Variants in CTNNBL1 observed in about 807,000 individuals in gnomAD.
CTNNBL1 encodes the protein beta-catenin-like protein 1.
CTNNBL1 carries 31 observed loss-of-function variants against 72.7 expected under a neutral mutation model. The ratio of observed to expected loss-of-function variants is 0.43; its 90% CI spans 0.32 to 0.58. CTNNBL1 has a LOEUF of 0.58. Among genes scored for constraint, CTNNBL1 ranks in the 20% least tolerant of loss-of-function variants. The probability of loss-of-function intolerance (pLI) is 0.08; values close to 1 mark genes in which losing one functional copy is unlikely to be tolerated. For synonymous variants in CTNNBL1, 240 were observed against 267.3 expected, an observed-to-expected ratio of 0.90 and a Z score of 1.00; for missense variants, 534 against 725.1, an observed-to-expected ratio of 0.74 and a Z score of 3.03.
At chr20:37,823,559 A>C (rs2072130237) in intron 11 of CTNNBL1, among the ~76,000 whole-genome samples, 1 of 152,184 alleles carries the variant, frequency 6.6e-6, no homozygotes, top group Non-Finnish European at 1.5e-5. Context: ...GGCTGTTTGA[A>C]GAGCAGAAAG....
chr20:37,754,991 A>G (rs2073351416), intron 4 of CTNNBL1, among the ~76,000 whole-genome samples: 1 of 151,980 alleles, frequency 6.6e-6, no homozygotes, highest in Non-Finnish European at 1.5e-5. Context: ...TATTTTTAGT[A>G]GAGACAGGTT....
intron 13 of CTNNBL1, among the ~76,000 whole-genome samples, chr20:37,848,125 C>T (rs2072362471): frequency 6.6e-6 from 1 of 150,776 alleles, no homozygotes; most frequent in South Asian, 2.1e-4. Flanking sequence ...GAGTTCCTCC[C>T]AGCTCCCTTC....
chr20:37,798,848 C>G (rs1201999497), intron 10 of CTNNBL1, among the ~76,000 whole-genome samples: 1 of 152,120 alleles, frequency 6.6e-6, no homozygotes, highest in East Asian at 1.9e-4. Flanking sequence ...TTTCAAGAGG[C>G]CTTTTCCTGA....
Position 37,803,898 on chromosome 20 carries a change from G to A in CTNNBL1, c.1213+850G>A, listed in dbSNP as rs1427776340. Among the ~76,000 whole-genome samples the A allele has an allele frequency of 2.0e-5, 3 of 152,012 alleles. No individual in the cohort carries two copies. The South Asian group carries it at 6.2e-4, about 32-fold the overall frequency. On this transcript the variant is annotated intron_variant, in intron 11 of 15. Transcript: ENST00000361383. ...TCAGTGCTTGGTGGAATTGGCATGG[G>A]TATCTGCAGGATCTTTTGCATTCCT...
intron 5 of CTNNBL1, among the ~76,000 whole-genome samples, chr20:37,759,094 A>G (rs768698622): frequency 1.3e-5 from 2 of 152,226 alleles, no homozygotes; most frequent in Non-Finnish European, 2.9e-5. Context: ...GACCGAATAT[A>G]ATGAAAATTT....
intron 10 of CTNNBL1, among the ~76,000 whole-genome samples, chr20:37,785,609 A>G (rs146868642): frequency 6.6e-6 from 1 of 152,262 alleles, no homozygotes; most frequent in East Asian, 1.9e-4. Context: ...AACTATTTCA[A>G]TATCCGTAAA....
chr20:37,858,360 A>C (rs373189463), intron 13 of CTNNBL1, among the ~76,000 whole-genome samples: 142 of 152,376 alleles, frequency 9.3e-4, no homozygotes, highest in African/African-American at 3.3e-3. Flanking sequence ...AGTCAGTATG[A>C]AGATGATGGG....
At chr20:37,803,393 C>A (rs1230383830) in intron 11 of CTNNBL1, among the ~76,000 whole-genome samples, 1 of 152,178 alleles carries the variant, frequency 6.6e-6, no homozygotes, top group African/African-American at 2.4e-5. Context: ...ACACATGTCA[C>A]CTCCAGAGTG....
chr20:37,848,164 T>G (rs1352040873), intron 13 of CTNNBL1, among the ~76,000 whole-genome samples: 1 of 150,020 alleles, frequency 6.7e-6, no homozygotes, highest in Non-Finnish European at 1.5e-5. Context: ...TTTTTTTTTT[T>G]TTTGAGACAG....
intron 4 of CTNNBL1, among the ~76,000 whole-genome samples, chr20:37,752,948 A>T (rs1456714000): frequency 6.6e-6 from 1 of 152,144 alleles, no homozygotes; most frequent in Non-Finnish European, 1.5e-5. Flanking sequence ...TTGTGAAATG[A>T]AATTGTAACT....
At chr20:37,809,565 C>T (rs1001488219) in intron 11 of CTNNBL1, among the ~76,000 whole-genome samples, 1 of 152,192 alleles carries the variant, frequency 6.6e-6, no homozygotes, top group African/African-American at 2.4e-5. Context: ...TTCCTCAGCT[C>T]CTGATCACAC....
intron 12 of CTNNBL1, among the ~76,000 whole-genome samples, chr20:37,840,859 G>A (rs991909618): frequency 6.6e-6 from 1 of 151,706 alleles, no homozygotes; most frequent in Admixed American, 6.6e-5. Context: ...TAGATGGATC[G>A]GGCTATGGAA....
intron 6 of CTNNBL1, among the ~76,000 whole-genome samples, chr20:37,765,711 G>A (rs1030634855): frequency 3.3e-5 from 5 of 152,102 alleles, no homozygotes; most frequent in African/African-American, 1.2e-4. Flanking sequence ...ACCTTTGTAG[G>A]ACATTTTATT....
At chr20:37,869,158 C>A (rs1473154084) in intron 15 of CTNNBL1, among the ~76,000 whole-genome samples, 1 of 152,168 alleles carries the variant, frequency 6.6e-6, no homozygotes, top group African/African-American at 2.4e-5. Flanking sequence ...GGGGTAGACA[C>A]ACAGCTGGCA....
intron 6 of CTNNBL1, 61 bp downstream of exon 6, chr20:37,765,351 C>A: frequency 9.4e-7 from 1 of 1,069,388 alleles, no homozygotes; most frequent in Non-Finnish European, 1.4e-6. Context: ...GGACTCTGTG[C>A]TCATTTCCCT....
chr20:37,803,459 G>T (rs1007818030), intron 11 of CTNNBL1, among the ~76,000 whole-genome samples: 1 of 152,128 alleles, frequency 6.6e-6, no homozygotes, highest in Non-Finnish European at 1.5e-5. Context: ...AGGAATTGCC[G>T]AAATAAACTA....
At chr20:37,773,583 T>C (rs1208440207) in intron 7 of CTNNBL1, among the ~76,000 whole-genome samples, 1 of 152,218 alleles carries the variant, frequency 6.6e-6, no homozygotes, top group African/African-American at 2.4e-5. Context: ...TCCTTTCTCC[T>C]GATTTTGAAT....
At chr20:37,820,666 G>T (rs890729171) in intron 11 of CTNNBL1, among the ~76,000 whole-genome samples, 1 of 152,068 alleles carries the variant, frequency 6.6e-6, no homozygotes, top group Admixed American at 6.6e-5. Flanking sequence ...TCCCCCACGC[G>T]CTCTCTCTGT....
At chr20:37,737,231 A>C in intron 2 of CTNNBL1, 147 bp from the exon 3 acceptor site, 1 of 614,902 alleles carries the variant, frequency 1.6e-6, no homozygotes. Context: ...CTCAAAAAAC[A>C]AAACAAAACA....
Sources: gnomAD v4.1 joint callset for allele counts (sites outside exome capture counted in the v4.1 genomes callset) on GRCh38, gnomAD v4.1.1 for gene constraint, MANE v1.5 for transcripts, NCBI Gene and HGNC (gene_info 2026-07-23, HGNC 2026-07-21) for gene names.